Variants in PCDHA1 observed in about 807,000 individuals in gnomAD.
PCDHA1 encodes protocadherin alpha 1.
In PCDHA1, 42 loss-of-function variants were observed where a neutral mutation model predicts 61.3. The ratio of observed to expected loss-of-function variants is 0.69; its 90% confidence interval spans 0.54 to 0.89. The LOEUF (loss-of-function observed/expected upper bound fraction) is 0.89, where lower values mean the gene tolerates loss of function less well. Among genes scored for constraint, PCDHA1 ranks in the 40% least tolerant of loss-of-function variants. The probability of loss-of-function intolerance (pLI) is 0.00; values close to 1 mark genes in which losing one functional copy is unlikely to be tolerated. For synonymous variants in PCDHA1, 610 were observed against 553.8 expected (o/e 1.10, Z -1.43); for missense variants, 1,256 against 1,235.3 (o/e 1.02, Z -0.25).
chr5:140,810,905 G>T (rs187212503), intron 1 of PCDHA1: 3 of 151,982 alleles, frequency 2.0e-5, no homozygotes, highest in Non-Finnish European at 4.4e-5. Context: ...ATTTTCTGTG[G>T]TATCTTTTAT....
intron 1 of PCDHA1, among the ~76,000 whole-genome samples, chr5:140,910,213 G>A (rs1375224674): frequency 6.6e-6 from 1 of 152,170 alleles, no homozygotes; most frequent in South Asian, 2.1e-4. Context: ...TGACCTGGAA[G>A]TTTTCTGCTT....
chr5:140,800,866 T>G (rs3756340), intron 1 of PCDHA1: 138,965 of 246,654 alleles, frequency 0.56, 40,144 homozygotes, highest in African/African-American at 0.7. Context: ...TCTAAGGAAA[T>G]ATTTAGATAA....
intron 1 of PCDHA1, among the ~76,000 whole-genome samples, chr5:140,957,285 G>A (rs1036077483): frequency 2.0e-5 from 3 of 152,144 alleles, no homozygotes; most frequent in Non-Finnish European, 4.4e-5. Context: ...CTTACCTGCA[G>A]TTTCACTCTG....
chr5:140,864,928 T>C (rs2048657742), intron 1 of PCDHA1: 1 of 152,144 alleles, frequency 6.6e-6, no homozygotes, highest in Non-Finnish European at 1.5e-5. Flanking sequence ...CTTGGCAGGG[T>C]GTCTCAGGCC....
At chr5:140,870,077 G>T (rs2051636689) in intron 1 of PCDHA1, 1 of 1,613,688 alleles carries the variant, frequency 6.2e-7, no homozygotes, top group African/African-American at 1.3e-5. Context: ...ACAGATAAGG[G>T]GACTCCCCCA....
At chr5:140,835,713 G>A (rs1490262611) in intron 1 of PCDHA1, 1 of 1,613,696 alleles carries the variant, frequency 6.2e-7, no homozygotes, top group African/African-American at 1.3e-5. Context: ...CGTGTCCGTG[G>A]AGGTGGCCGA....
At chr5:140,862,433 G>T (rs781821294) in intron 1 of PCDHA1, 1 of 354,884 alleles carries the variant, frequency 2.8e-6, no homozygotes, top group Non-Finnish European at 5.6e-6. Flanking sequence ...GAAACTATTC[G>T]TTGGTACTCC....
At chr5:140,828,316 G>A (rs1554131197) in intron 1 of PCDHA1, 2 of 1,614,208 alleles carry the variant, frequency 1.2e-6, no homozygotes, top group Admixed American at 3.3e-5. Context: ...AGGACCTTCT[G>A]GAGGTAAATC....
At chr5:140,974,808 G>A (rs1229375180) in intron 1 of PCDHA1, among the ~76,000 whole-genome samples, 1 of 152,090 alleles carries the variant, frequency 6.6e-6, no homozygotes, top group Non-Finnish European at 1.5e-5. Context: ...TATACTAGAA[G>A]ACCAATATGC....
intron 1 of PCDHA1, chr5:140,834,596 T>A: frequency 6.2e-7 from 1 of 1,613,722 alleles, no homozygotes; most frequent in South Asian, 1.1e-5. Context: ...GCAAATTCCG[T>A]GGGGATCTTC....
chr5:140,941,373 G>A (rs576282436), intron 1 of PCDHA1, among the ~76,000 whole-genome samples: 2 of 134,082 alleles, frequency 1.5e-5, no homozygotes, highest in South Asian at 5.1e-4. Flanking sequence ...CTGGAGTGTA[G>A]TGACAGGATT....
At chr5:141,005,769 G>A (rs1421440870) in intron 3 of PCDHA1, among the ~76,000 whole-genome samples, 3 of 129,926 alleles carry the variant, frequency 2.3e-5, no homozygotes, top group Non-Finnish European at 4.9e-5. Context: ...AAGCAAACCA[G>A]ATGTGTAAAG....
chr5:140,967,520 G>A, intron 1 of PCDHA1: 1 of 1,612,918 alleles, frequency 6.2e-7, no homozygotes, highest in East Asian at 2.2e-5. Context: ...GGACACTAAC[G>A]ACAACTCTCC....
At chr5:140,870,614 C>A (rs782305059) in intron 1 of PCDHA1, 1 of 1,613,212 alleles carries the variant, frequency 6.2e-7, no homozygotes, top group South Asian at 1.1e-5. Flanking sequence ...CGCGCGCTGT[C>A]GAGCTACGTG....
At chr5:140,929,530 G>A in intron 1 of PCDHA1, 1 of 636,248 alleles carries the variant, frequency 1.6e-6, no homozygotes, top group Non-Finnish European at 2.3e-6. Flanking sequence ...GTTTATTTTT[G>A]AGAAACAAGG....
chr5:140,823,088 C>T (rs1554129125), intron 1 of PCDHA1: 5 of 1,613,882 alleles, frequency 3.1e-6, no homozygotes, highest in Non-Finnish European at 4.2e-6. Context: ...TGGGCCACCG[C>T]CAGCGTGTCT....
intron 1 of PCDHA1, chr5:140,967,277 A>G: frequency 6.2e-7 from 1 of 1,613,326 alleles, no homozygotes; most frequent in African/African-American, 1.3e-5. Context: ...TCACATAGAG[A>G]GTGCGCAGGA....
chr5:140,874,111 G>T (rs977519429), intron 1 of PCDHA1, among the ~76,000 whole-genome samples: 2 of 152,056 alleles, frequency 1.3e-5, no homozygotes, highest in Non-Finnish European at 2.9e-5. Flanking sequence ...ATTACTTAAC[G>T]TTTTATAGTT....
At chr5:140,797,294 C>T (rs1340196093) in intron 1 of PCDHA1, 1 of 1,614,100 alleles carries the variant, frequency 6.2e-7, no homozygotes, top group African/African-American at 1.3e-5. Flanking sequence ...CCTAGCTTAT[C>T]TCAAGGTCCA....
Sources: gnomAD v4.1 joint callset for allele counts (sites outside exome capture counted in the v4.1 genomes callset) on GRCh38, gnomAD v4.1.1 for gene constraint, MANE v1.5 for transcripts, NCBI Gene and HGNC (gene_info 2026-07-23, HGNC 2026-07-21) for gene names.